STS: variants seen among roughly 807,000 people sequenced by gnomAD.
The protein encoded by STS is steryl-sulfatase.
STS carries 7 observed loss-of-function variants against 26.8 expected under a neutral mutation model. The observed-to-expected ratio is 0.26, with a 90% confidence interval of 0.15 to 0.49. The LOEUF is 0.49. Ranked by LOEUF, STS falls within the 20% of genes least tolerant of loss-of-function variation. The pLI, the probability that STS is intolerant of heterozygous loss-of-function variation, is 0.98. For synonymous variants in STS, 199 were observed against 189.4 expected (o/e 1.05, Z -0.42); for missense variants, 434 against 465.6 (o/e 0.93, Z 0.63).
chrX:7,325,487 G>A lies in STS; in HGVS notation c.1230G>A (p.Leu410=). 2 of 1,211,111 alleles carry A rather than the reference G, an allele frequency of 1.7e-6. No individual in the cohort carries two copies. Among genetic ancestry groups the A allele is most frequent in the Admixed American group, 2.2e-5 (1 of 46,006 alleles). ...PTVAKLAGAP[L]PEDRIIDGRD... ...TAGCCAAGCTGGCTGGAGCTCCCTT[G>A]CCTGAGGACAGGTACTCTGATGCCA... Residue 410 remains leucine (L), a synonymous_variant, in exon 9 of 11, where the codon TTG becomes TTA. Coordinates refer to ENST00000674429, the MANE Select transcript of STS (RefSeq NM_001320752.2).
At chrX:7,190,149 C>T (rs1397637681) in intron 1 of STS, among the ~76,000 whole-genome samples, 1 of 110,240 alleles carries the variant, frequency 9.1e-6, no homozygotes, top group Non-Finnish European at 1.9e-5. Context: ...TTATACAACT[C>T]ACCATAATGT....
chrX:7,338,307 T>C (rs1284704001), intron 10 of STS, among the ~76,000 whole-genome samples: 1 of 111,985 alleles, frequency 8.9e-6, no homozygotes, highest in Non-Finnish European at 1.9e-5. Flanking sequence ...CTGATGACTG[T>C]AGTCTGTGAG....
chrX:7,293,625 G>A (rs1291062398), intron 7 of STS, among the ~76,000 whole-genome samples: 1 of 110,636 alleles, frequency 9.0e-6, no homozygotes, highest in African/African-American at 3.3e-5. Context: ...TTAAATGTAT[G>A]CCTCAGTTAC....
At chrX:7,314,321 C>A (rs1163141934) in intron 8 of STS, among the ~76,000 whole-genome samples, 2 of 111,412 alleles carry the variant, frequency 1.8e-5, no homozygotes, top group Admixed American at 1.9e-4. Context: ...TGCACCACTG[C>A]ACTCCAGCCT....
intron 8 of STS, among the ~76,000 whole-genome samples, chrX:7,309,040 C>T (rs1327648140): frequency 3.6e-5 from 4 of 111,361 alleles, no homozygotes; most frequent in Non-Finnish European, 5.7e-5. Context: ...GAGAGAATCT[C>T]GCTCTGCCAC....
chrX:7,325,364 AGGTAT>A lies in STS; in HGVS notation c.1108_1112del (p.Gly370ProfsTer19). 8.3e-7 allele frequency: 1 copy of A among 1,211,372 alleles called. No homozygotes were observed. The highest frequency in any genetic ancestry group is 1.7e-5 in the African/African-American group (1 of 57,674). ...GAGGAAAAGCAAACAACTGGGAAGG[AGGTAT>A]CCGGGTTCCAGGCATCCTTCGTTGG... On this transcript the variant is annotated frameshift_variant, in exon 9 of 11. Coordinates refer to ENST00000674429, the MANE Select transcript of STS (RefSeq NM_001320752.2). LOFTEE classifies it high-confidence loss of function.
intron 7 of STS, among the ~76,000 whole-genome samples, chrX:7,285,022 G>A (rs1925060237): frequency 1.8e-5 from 2 of 110,762 alleles, no homozygotes; most frequent in South Asian, 7.7e-4. Context: ...TGATGATGGC[G>A]ATGCTGATGA....
chrX:7,252,456 C>T (rs1307508890), intron 2 of STS: 1 of 162,975 alleles, frequency 6.1e-6, no homozygotes, highest in Non-Finnish European at 1.0e-5. Context: ...TATTTGCTGC[C>T]AACATAAGCT....
At chrX:7,266,216 T>G (rs759123776) in intron 6 of STS, among the ~76,000 whole-genome samples, 9 of 112,083 alleles carry the variant, frequency 8.0e-5, no homozygotes, top group Admixed American at 2.9e-4. Context: ...TCAGTTCATC[T>G]GTCAAAGGTG....
In STS at chrX:7,218,491, C is replaced by T. The variant is rs548835019; in HGVS notation, c.-5+27483C>T. Among the ~76,000 whole-genome samples the T allele has an allele frequency of 4.5e-5, 5 of 112,325 alleles. No individual in the cohort carries two copies. In the South Asian group the frequency reaches 1.8e-3, roughly 41 times the overall value. ...TAAAATGATGCTTATGTATGCGTCACTAATCTATGTGCTTAACTTTTAACA... is the reference window on the plus strand; with the variant it reads ...TAAAATGATGCTTATGTATGCGTCATTAATCTATGTGCTTAACTTTTAACA... On this transcript the variant is annotated intron_variant, in intron 2 of 10. Coordinates refer to ENST00000674429, the MANE Select transcript of STS (RefSeq NM_001320752.2).
intron 7 of STS, among the ~76,000 whole-genome samples, chrX:7,276,889 T>C (rs1424556460): frequency 2.7e-5 from 3 of 112,270 alleles, no homozygotes; most frequent in African/African-American, 3.2e-5. Context: ...TGAAGCTTTG[T>C]TTAAGTTAAA....
intron 1 of STS, among the ~76,000 whole-genome samples, chrX:7,148,636 C>T (rs1487260950): frequency 2.7e-5 from 3 of 112,438 alleles, no homozygotes; most frequent in African/African-American, 9.7e-5. Flanking sequence ...AGCCCCCAGT[C>T]CCTGGACCGT....
chrX:7,159,963 A>G (rs756451902), intron 1 of STS, among the ~76,000 whole-genome samples: 10 of 112,328 alleles, frequency 8.9e-5, no homozygotes, highest in Non-Finnish European at 1.1e-4. Flanking sequence ...ATGTGATGGT[A>G]TGAAAAGCTG....
At position 7,353,901 on chromosome X, in the gene STS, A is replaced by G. The variant is rs1311654102; in HGVS notation, c.*3640A>G. 1 of 111,435 alleles carries G rather than the reference A, an allele frequency of 9.0e-6. No homozygotes were observed. The highest frequency in any genetic ancestry group is 1.9e-5 in the Non-Finnish European group (1 of 53,059). The allele number at this position is 111,435 out of a possible 1,213,427, so 9.2% of individuals were successfully genotyped here. ...CTAGAGAATGGGATGTGTGATGCAA[A>G]TGCTCAAAACCTCTTAAATCATAGC... On this transcript the variant is annotated 3_prime_UTR_variant, in exon 11 of 11. Transcript: ENST00000674429.
At chrX:7,159,381 A>G (rs1569177828) in intron 1 of STS, among the ~76,000 whole-genome samples, 1 of 111,630 alleles carries the variant, frequency 9.0e-6, no homozygotes, top group African/African-American at 3.3e-5. Flanking sequence ...TGTATGTGTA[A>G]CTCACGTAAC....
At chrX:7,336,720 G>A (rs754993675) in intron 10 of STS, among the ~76,000 whole-genome samples, 4 of 112,123 alleles carry the variant, frequency 3.6e-5, no homozygotes, top group Admixed American at 9.5e-5. Context: ...ATATGGAGCC[G>A]GCAAGAAATG....
chrX:7,299,178 GTATATAAA>G (rs1345794410), intron 7 of STS, among the ~76,000 whole-genome samples: 7 of 89,431 alleles, frequency 7.8e-5, no homozygotes, highest in South Asian at 4.8e-4. Flanking sequence ...TATATATAAA[GTATATAAA>G]TATATAAATA....
At chrX:7,284,925 G>T (rs1307775329) in intron 7 of STS, among the ~76,000 whole-genome samples, 1 of 111,098 alleles carries the variant, frequency 9.0e-6, no homozygotes, top group Non-Finnish European at 1.9e-5. Context: ...TGTGTTGATG[G>T]TGATGGTGAT....
chrX:7,252,053 G>T (rs779168703), intron 2 of STS, among the ~76,000 whole-genome samples: 2 of 110,928 alleles, frequency 1.8e-5, no homozygotes, highest in Non-Finnish European at 3.8e-5. Flanking sequence ...AAGATTCAGA[G>T]AACTGATATG....
Sources: allele counts gnomAD v4.1 joint callset (sites outside exome capture counted in the v4.1 genomes callset), GRCh38; gene constraint gnomAD v4.1.1; transcripts MANE v1.5; gene names NCBI Gene and HGNC (gene_info 2026-07-23, HGNC 2026-07-21).